Variants in NAALADL2 observed in about 807,000 individuals in gnomAD.
NAALADL2 encodes N-acetylated alpha-linked acidic dipeptidase like 2.
A neutral mutation model predicts 87.2 loss-of-function variants in NAALADL2; 76 were observed. The ratio of observed to expected loss-of-function variants is 0.87; its 90% CI spans 0.72 to 1.05. The LOEUF (loss-of-function observed/expected upper bound fraction) is 1.05, where lower values mean the gene tolerates loss of function less well. NAALADL2 is among the 50% of genes least tolerant of loss of function. NAALADL2 has a pLI of 0.00. For missense variants in NAALADL2, 1,089 were observed against 945.8 expected (o/e 1.15, Z -1.99); for synonymous variants, 354 against 331.0 (o/e 1.07, Z -0.75).
At chr3:174,644,315 ATTC>A (rs1283989204) in intron 2 of NAALADL2, among the ~76,000 whole-genome samples, 5 of 152,228 alleles carry the variant, frequency 3.3e-5, no homozygotes, top group African/African-American at 1.2e-4. Context: ...TATATACCAT[ATTC>A]TTACAATAAA....
At chr3:174,689,095 CTT>C (rs1432229515) in intron 2 of NAALADL2, among the ~76,000 whole-genome samples, 1 of 151,682 alleles carries the variant, frequency 6.6e-6, no homozygotes, top group Non-Finnish European at 1.5e-5. Flanking sequence ...CAATAATAGA[CTT>C]TGTGTGATTA....
chr3:175,467,028 T>C lies in NAALADL2; in HGVS notation c.1377T>C (p.Asn459=), dbSNP rs202161803. The C allele has an allele frequency of 1.9e-4, 303 of 1,613,926 alleles. 1 individual carries two copies. The East Asian group carries it at 6.5e-3, about 35-fold the overall frequency. The change falls in exon 8 of 14, where the codon AAT becomes AAC. Residue 459 remains asparagine, a synonymous_variant. Coordinates refer to ENST00000454872, the MANE Select transcript of NAALADL2 (RefSeq NM_207015.3). The part of the protein sequence containing the change: ...GSHHHTAHSY[N]GQEWASSTAI... ...ATCATCACACTGCACACAGTTATAA[T>C]GGACAAGAATGGGCCAGTAGTACTG...
intron 9 of NAALADL2, among the ~76,000 whole-genome samples, chr3:175,510,429 G>A (rs1041417256): frequency 2.6e-5 from 4 of 152,138 alleles, no homozygotes; most frequent in African/African-American, 9.7e-5. Flanking sequence ...AATGAGACAT[G>A]TCAGTTGGCT....
intron 3 of NAALADL2, among the ~76,000 whole-genome samples, chr3:175,247,362 A>T (rs1748181057): frequency 6.6e-6 from 1 of 152,226 alleles, no homozygotes; most frequent in Admixed American, 6.5e-5. Context: ...GTGGAAAAAT[A>T]AAAGCAGAGC....
At chr3:175,010,533 A>G (rs749421966) in intron 1 of NAALADL2, among the ~76,000 whole-genome samples, 3 of 152,148 alleles carry the variant, frequency 2.0e-5, no homozygotes, top group Non-Finnish European at 4.4e-5. Context: ...TAAGTGGTCT[A>G]TTTTCTCTCT....
intron 4 of NAALADL2, among the ~76,000 whole-genome samples, chr3:175,279,736 G>C (rs572344800): frequency 1.1e-4 from 16 of 151,272 alleles, no homozygotes; most frequent in Middle Eastern, 3.4e-3. Flanking sequence ...TTTAAAAATT[G>C]GTTCTGAATT....
intron 4 of NAALADL2, among the ~76,000 whole-genome samples, chr3:175,302,517 A>T (rs2110231191): frequency 6.6e-6 from 1 of 152,336 alleles, no homozygotes; most frequent in Non-Finnish European, 1.5e-5. Flanking sequence ...TGCAAATAGT[A>T]CATTCATTCA....
intron 3 of NAALADL2, among the ~76,000 whole-genome samples, chr3:174,793,237 T>C (rs1240219084): frequency 6.6e-6 from 1 of 152,180 alleles, no homozygotes; most frequent in Non-Finnish European, 1.5e-5. Context: ...AATTATGTTT[T>C]ATATTGTTAA....
At chr3:174,894,299 T>C (rs1312106808) in intron 1 of NAALADL2, among the ~76,000 whole-genome samples, 1 of 151,916 alleles carries the variant, frequency 6.6e-6, no homozygotes, top group Non-Finnish European at 1.5e-5. Context: ...ATCTTCCAGA[T>C]AGAAAATCAG....
At chr3:174,879,283 G>A (rs7640757) in intron 1 of NAALADL2, among the ~76,000 whole-genome samples, 29,491 of 151,968 alleles carry the variant, frequency 0.19, 3,943 homozygotes, top group African/African-American at 0.37. Context: ...TGAAGAAGAA[G>A]CCTAATTTTA....
chr3:175,090,566 A>AT (rs5854608), intron 1 of NAALADL2, among the ~76,000 whole-genome samples: 4,130 of 145,380 alleles, frequency 0.028, 173 homozygotes, highest in African/African-American at 0.087. Context: ...TTCACCAATG[A>AT]TTTTTTTTTT....
In NAALADL2 at chr3:174,715,872, A is replaced by C. The variant is rs143258345; in HGVS notation, c.-114-21769A>C. Among the ~76,000 whole-genome samples the C allele has an allele frequency of 2.6e-5, 4 of 152,192 alleles. No homozygotes were observed. The East Asian group carries it at 7.7e-4, about 29-fold the overall frequency. On this transcript the variant is annotated intron_variant, in intron 2 of 3. Coordinates refer to the NAALADL2 transcript ENST00000434257. ...TATTACAGGTATTTTTCTAGGTTTC[A>C]GTTCTAGGATTATCTGCAATTTTTC...
chr3:175,255,720 T>G (rs1476955079), intron 3 of NAALADL2, among the ~76,000 whole-genome samples: 2 of 152,188 alleles, frequency 1.3e-5, no homozygotes, highest in Non-Finnish European at 2.9e-5. Flanking sequence ...ATGAGATTTT[T>G]TCTTTTTTGC....
chr3:174,816,432 A>C (rs1254266427), intron 3 of NAALADL2, among the ~76,000 whole-genome samples: 1 of 148,216 alleles, frequency 6.7e-6, no homozygotes, highest in African/African-American at 2.5e-5. Flanking sequence ...GTGTGTGTGT[A>C]TCTCAGTATG....
intron 1 of NAALADL2, among the ~76,000 whole-genome samples, chr3:174,477,751 G>C (rs1717300684): frequency 6.6e-6 from 1 of 152,152 alleles, no homozygotes; most frequent in Admixed American, 6.6e-5. Flanking sequence ...TTTCCTCTGG[G>C]GAAGGATTAA....
intron 2 of NAALADL2, among the ~76,000 whole-genome samples, chr3:174,658,204 C>T (rs972923012): frequency 1.3e-5 from 2 of 152,170 alleles, no homozygotes; most frequent in Non-Finnish European, 2.9e-5. Context: ...AAACTGTCTT[C>T]CCAAGTGGCT....
At chr3:175,679,277 T>TA (rs77297220) in intron 11 of NAALADL2, among the ~76,000 whole-genome samples, 1,475 of 132,152 alleles carry the variant, frequency 0.011, 14 homozygotes, top group East Asian at 0.041. Flanking sequence ...AAAGTATAGT[T>TA]AAAAAAAAAA....
chr3:174,531,862 C>T (rs1186381387), intron 1 of NAALADL2, among the ~76,000 whole-genome samples: 1 of 152,100 alleles, frequency 6.6e-6, no homozygotes, highest in East Asian at 1.9e-4. Flanking sequence ...GTTCATAAGA[C>T]ATCTCATATT....
chr3:175,634,858 A>C (rs1294240870), intron 11 of NAALADL2, among the ~76,000 whole-genome samples: 2 of 152,048 alleles, frequency 1.3e-5, no homozygotes, highest in Non-Finnish European at 2.9e-5. Flanking sequence ...AATTATTGTT[A>C]CTAGATGCAA....
Sources: allele counts gnomAD v4.1 joint callset (sites outside exome capture counted in the v4.1 genomes callset), GRCh38; gene constraint gnomAD v4.1.1; transcripts MANE v1.5; gene names NCBI Gene and HGNC (gene_info 2026-07-23, HGNC 2026-07-21).